ANK3: variants seen among roughly 807,000 people sequenced by gnomAD.
ANK3 encodes ankyrin 3, also known as ankyrin-3.
ANK3 carries 57 observed loss-of-function variants against 370.9 expected under a neutral mutation model. The observed-to-expected ratio is 0.15, with a 90% CI of 0.12 to 0.19. ANK3 has a LOEUF of 0.19. ANK3 is among the 10% of genes least tolerant of loss of function. The pLI is 1.00. For missense variants in ANK3, 4,439 were observed against 5,302.1 expected (o/e 0.84, Z 5.06); for synonymous variants, 1,929 against 1,946.3 (o/e 0.99, Z 0.23).
chr10:60,496,690 G>T (rs1192867839), intron 2 of ANK3, among the ~76,000 whole-genome samples: 1 of 132,616 alleles, frequency 7.5e-6, no homozygotes, highest in Non-Finnish European at 1.6e-5. Flanking sequence ...TAAGAGACTT[G>T]TTCAACTCTC....
chr10:60,667,780 C>T (rs1420866654), intron 1 of ANK3, among the ~76,000 whole-genome samples: 1 of 151,394 alleles, frequency 6.6e-6, no homozygotes, highest in Non-Finnish European at 1.5e-5. Context: ...ATGGTCAATC[C>T]TCAGCTCAGT....
At chr10:60,033,532 A>AC (rs1381478769) in intron 43 of ANK3, among the ~76,000 whole-genome samples, 50 of 149,518 alleles carry the variant, frequency 3.3e-4, no homozygotes, top group African/African-American at 1.7e-4. Flanking sequence ...AAAAAAAAAA[A>AC]AAAAAAACTT....
chr10:60,339,459 C>G (rs1325001410), intron 1 of ANK3, among the ~76,000 whole-genome samples: 1 of 152,140 alleles, frequency 6.6e-6, no homozygotes. Context: ...AATCAGTTCT[C>G]CCTGTCATGT....
At chr10:60,399,081 C>T (rs1313551383) in intron 2 of ANK3, among the ~76,000 whole-genome samples, 1 of 152,098 alleles carries the variant, frequency 6.6e-6, no homozygotes, top group Non-Finnish European at 1.5e-5. Flanking sequence ...GTATGTAATA[C>T]TGTACTAAAC....
chr10:60,560,097 T>C (rs2077300697), intron 2 of ANK3, among the ~76,000 whole-genome samples: 1 of 152,068 alleles, frequency 6.6e-6, no homozygotes, highest in Admixed American at 6.6e-5. Context: ...AAAAATATAA[T>C]TGGCATATTT....
intron 1 of ANK3, among the ~76,000 whole-genome samples, chr10:60,651,706 A>G (rs1401412215): frequency 1.3e-5 from 2 of 152,148 alleles, no homozygotes. Context: ...TCTCACTGGT[A>G]AAATAGAGAT....
rs537457981 is a variant in ANK3, at chr10:60,512,469, G to A, written c.96+102717C>T. On this transcript the variant is annotated intron_variant, in intron 2 of 43. Transcript: ENST00000373827. ...GGAAAGTATCATGATGTACATGACA[G>A]GGGTTATTTTTCATACTGAGGAAAT... is the stretch of plus-strand genomic sequence containing the variant. 2.6e-5 allele frequency among the ~76,000 whole-genome samples: 4 copies of A among 152,252 alleles called. No individual in the cohort carries two copies. In the East Asian group the frequency reaches 7.7e-4, roughly 29 times the overall value.
At chr10:60,698,373 A>G (rs1401665438) in intron 1 of ANK3, among the ~76,000 whole-genome samples, 1 of 151,644 alleles carries the variant, frequency 6.6e-6, no homozygotes, top group Non-Finnish European at 1.5e-5. Flanking sequence ...AACTAGAAAT[A>G]CCATTTGACC....
Position 60,636,446 on chromosome 10 carries a change from C to T in ANK3, c.58-21222G>A, listed in dbSNP as rs550440867. 3.2e-4 allele frequency among the ~76,000 whole-genome samples: 48 copies of T among 152,280 alleles called. No individual in the cohort carries two copies. The South Asian group carries it at 9.3e-3, about 30-fold the overall frequency. ...TAACGTTGTCCAACTTTCTTCTCTT[C>T]GTGTGATGGCTAACTTTGCATCTGG... On this transcript the variant is annotated intron_variant, in intron 1 of 43. Transcript: ENST00000373827.
chr10:60,612,575 T>G (rs1036936326), intron 2 of ANK3, among the ~76,000 whole-genome samples: 1 of 152,116 alleles, frequency 6.6e-6, no homozygotes, highest in African/African-American at 2.4e-5. Context: ...CACTGCAACC[T>G]CCGCCTCCCA....
chr10:60,404,662 G>T (rs774645606), intron 2 of ANK3, among the ~76,000 whole-genome samples: 32 of 151,942 alleles, frequency 2.1e-4, no homozygotes, highest in Non-Finnish European at 3.8e-4. Context: ...CTGGGGGTAG[G>T]CAAACATTTC....
At chr10:60,677,263 AGTGAGACACACTGACT>A (rs2079137471) in intron 1 of ANK3, among the ~76,000 whole-genome samples, 1 of 152,242 alleles carries the variant, frequency 6.6e-6, no homozygotes, top group African/African-American at 2.4e-5. Flanking sequence ...ACCACAATTT[AGTGAGACACACTGACT>A]GTGAGGCAGT....
intron 1 of ANK3, among the ~76,000 whole-genome samples, chr10:60,724,874 A>G (rs1428700598): frequency 6.6e-6 from 1 of 152,230 alleles, no homozygotes; most frequent in Admixed American, 6.5e-5. Flanking sequence ...AGGAACTCAA[A>G]CAGTATCAAA....
At position 60,682,147 on chromosome 10, in the gene ANK3, TA is replaced by T. The variant is rs903720690; in HGVS notation, c.57+51115del. ...GGGTGACACAGCAAGACTCTGCCTT[TA>T]AAAAAAACAAAATAATTATTAGCAC... On this transcript the variant is annotated intron_variant, in intron 1 of 43. Coordinates refer to the ANK3 transcript ENST00000373827. Among the ~76,000 whole-genome samples the T allele has an allele frequency of 2.0e-4, 31 of 151,878 alleles. No individual in the cohort carries two copies. In the East Asian group the frequency reaches 5.8e-3, roughly 28 times the overall value.
At chr10:60,677,252 G>C (rs2079137159) in intron 1 of ANK3, among the ~76,000 whole-genome samples, 1 of 152,174 alleles carries the variant, frequency 6.6e-6, no homozygotes, top group African/African-American at 2.4e-5. Context: ...AGAACTGAAT[G>C]ACCACAATTT....
At chr10:60,079,174 TACACACACACACACACACACACACAC>T (rs58239281) in intron 36 of ANK3, among the ~76,000 whole-genome samples, 3 of 113,768 alleles carry the variant, frequency 2.6e-5, no homozygotes, top group South Asian at 3.5e-4. Flanking sequence ...GCTACCTAGC[TACACACACACACACACACACACACAC>T]ACACACACAC....
intron 2 of ANK3, among the ~76,000 whole-genome samples, chr10:60,579,412 A>C (rs1211258084): frequency 6.6e-6 from 1 of 151,912 alleles, no homozygotes; most frequent in East Asian, 1.9e-4. Flanking sequence ...AGGAGAAATT[A>C]CAATGAAAGA....
intron 2 of ANK3, among the ~76,000 whole-genome samples, chr10:60,453,852 G>A (rs972128559): frequency 8.5e-5 from 13 of 152,102 alleles, no homozygotes; most frequent in East Asian, 7.7e-4. Flanking sequence ...ATTAGCAATC[G>A]TTCTATATAT....
At chr10:60,661,699 G>T (rs2078937617) in intron 1 of ANK3, among the ~76,000 whole-genome samples, 1 of 152,152 alleles carries the variant, frequency 6.6e-6, no homozygotes, top group African/African-American at 2.4e-5. Flanking sequence ...GTCTCAAGCA[G>T]CCATTGCTCA....
Sources: allele counts gnomAD v4.1 joint callset (sites outside exome capture counted in the v4.1 genomes callset), GRCh38; gene constraint gnomAD v4.1.1; transcripts MANE v1.5; gene names NCBI Gene and HGNC (gene_info 2026-07-23, HGNC 2026-07-21).